RARA: variants seen among roughly 807,000 people sequenced by gnomAD.
RARA encodes the protein retinoic acid receptor alpha, also known as PML-DDX5-RARA fusion.
Under a neutral mutation model 42.8 loss-of-function variants are expected in RARA, and 5 were observed. The observed-to-expected ratio is 0.12, with a 90% CI of 0.06 to 0.25. The LOEUF (loss-of-function observed/expected upper bound fraction) is 0.25. RARA is among the 10% of genes least tolerant of loss of function. The pLI, the probability that RARA is intolerant of heterozygous loss-of-function variation, is 1.00. For synonymous variants in RARA, 256 were observed against 259.5 expected (o/e 0.99, Z 0.13); for missense variants, 402 against 628.7 (o/e 0.64, Z 3.86).
intron 2 of RARA, chr17:40,341,075 T>C (rs1436875263): frequency 2.5e-6 from 1 of 401,060 alleles, no homozygotes; most frequent in Non-Finnish European, 4.4e-6. Context: ...GTGGGGGTAA[T>C]AGGATACCCC....
chr17:40,309,439 C>T (rs191680946), intron 1 of RARA, among the ~76,000 whole-genome samples, 153 bp downstream of exon 1: 42 of 152,336 alleles, frequency 2.8e-4, no homozygotes, highest in African/African-American at 1.0e-3. Flanking sequence ...AGCCTGGGAA[C>T]AGTGGGGTGT....
Position 40,352,233 on chromosome 17 carries a change from A to C in RARA, c.631-98A>C, listed in dbSNP as rs911714631. 3.3e-6 allele frequency: 5 copies of C among 1,504,470 alleles called. No individual in the cohort carries two copies. Among genetic ancestry groups the C allele is most frequent in the Admixed American group, 4.6e-5 (2 of 43,744 alleles). 93.2% of individuals were successfully genotyped at this position (1,504,470 alleles called of 1,614,324 possible). ...TGCCTCTTCCCAAGGAGCTCCCAGG[A>C]AGTGAAGGCTGGGTAGAGGGCAGGC... On this transcript the variant is annotated intron_variant, in intron 5 of 8. Coordinates refer to ENST00000254066, the MANE Select transcript of RARA (RefSeq NM_000964.4). This position sits in a 1 kb window ranked among gnomAD's most constrained non-coding sequence, Gnocchi z 4.9.
intron 1 of RARA, among the ~76,000 whole-genome samples, chr17:40,324,226 G>T (rs2033473888): frequency 6.6e-6 from 1 of 152,150 alleles, no homozygotes; most frequent in South Asian, 2.1e-4. Flanking sequence ...CAACAGAGCT[G>T]CCTGCGTATG....
intron 2 of RARA, chr17:40,341,849 C>G (rs1380063020): frequency 9.5e-7 from 1 of 1,049,368 alleles, no homozygotes; most frequent in Non-Finnish European, 1.2e-6. Context: ...GGGAGGACGC[C>G]CGCCCCTCTT....
Position 40,356,848 on chromosome 17 carries a change from T to C in RARA, c.*622T>C, listed in dbSNP as rs1234557946. On this transcript the variant is annotated 3_prime_UTR_variant, in exon 9 of 9. Transcript: ENST00000254066. ...TATTGGGGGGAGCTGGATCCAGAGC[T>C]GGAGGGGGTGGGTCCGGGGGAGGGA... is the stretch of plus-strand genomic sequence containing the variant. 1.8e-5 allele frequency: 2 copies of C among 110,644 alleles called. No homozygotes were observed. The highest frequency in any genetic ancestry group is 3.5e-3 in the Middle Eastern group (1 of 288). 6.9% of individuals were successfully genotyped at this position (110,644 alleles called of 1,614,324 possible). A position where few individuals can be genotyped will look rare whatever the true frequency, so the allele number is the denominator to read the frequency against.
At chr17:40,348,609 A>C (rs1042746821) in intron 3 of RARA, 145 bp downstream of exon 3, 14 of 1,079,556 alleles carry the variant, frequency 1.3e-5, no homozygotes. Context: ...AAGCAGGGAC[A>C]CCTACCACAG....
chr17:40,354,591 C>G lies in RARA; in HGVS notation c.1012+85C>G. On this transcript the variant is annotated intron_variant, in intron 7 of 8. Coordinates refer to ENST00000254066, the MANE Select transcript of RARA (RefSeq NM_000964.4). This position sits in a 1 kb window ranked among gnomAD's most constrained non-coding sequence, Gnocchi z 4.5. The stretch of plus-strand genomic sequence containing the variant: ...CTTCCAGGGAGCTCTTTCAGGCCAC[C>G]TCTGTTAGGTATCTCTAGAGGGCAG... The G allele has an allele frequency of 6.8e-7, 1 of 1,466,048 alleles. No homozygotes were observed. The highest frequency in any genetic ancestry group is 9.3e-7 in the Non-Finnish European group (1 of 1,077,512). The allele number at this position is 1,466,048 out of a possible 1,614,324, so 90.8% of individuals were successfully genotyped here.
Position 40,355,149 on chromosome 17 carries a change from G to A in RARA, c.1013-114G>A. 3 of 1,318,238 alleles carry A rather than the reference G, an allele frequency of 2.3e-6. 1 individual carries two copies. Among genetic ancestry groups the A allele is most frequent in the South Asian group, 3.0e-5 (2 of 67,298 alleles). The allele number at this position is 1,318,238 out of a possible 1,614,324, so 81.7% of individuals were successfully genotyped here. Reference sequence around the variant, plus strand: ...GACCCCATGCCCTGCCCTGTGTGGGGAGGCGCCTGCGAGCTGCCCTCCTCC... The same window carrying A: ...GACCCCATGCCCTGCCCTGTGTGGGAAGGCGCCTGCGAGCTGCCCTCCTCC... On this transcript the variant is annotated intron_variant, in intron 7 of 8. Coordinates refer to ENST00000254066, the MANE Select transcript of RARA (RefSeq NM_000964.4). The surrounding 1 kb of genome is among the most constrained non-coding windows in gnomAD (Gnocchi z 4.1).
intron 1 of RARA, among the ~76,000 whole-genome samples, chr17:40,312,490 C>A (rs890374273): frequency 6.6e-6 from 1 of 152,208 alleles, no homozygotes; most frequent in Non-Finnish European, 1.5e-5. Flanking sequence ...GCTGCAGGGA[C>A]TATTTTTAGT....
At chr17:40,316,861 C>T (rs2033225201) in intron 1 of RARA, among the ~76,000 whole-genome samples, 1 of 151,910 alleles carries the variant, frequency 6.6e-6, no homozygotes, top group Admixed American at 6.5e-5. Context: ...GAAATCCAGA[C>T]GGGAGCGGGA....
chr17:40,344,316 C>T (rs2034178101), intron 2 of RARA, among the ~76,000 whole-genome samples: 1 of 152,092 alleles, frequency 6.6e-6, no homozygotes, highest in African/African-American at 2.4e-5. Context: ...AAGGTATCAC[C>T]CTTGACTTTG....
chr17:40,355,977 C>A lies in RARA; in HGVS notation c.1172-32C>A. ...GCTGGGGGTGGGAGGGCTGGCCCAG[C>A]GTGCTGACCTCTGCCCCCTCCTTTC... On this transcript the variant is annotated intron_variant, in intron 8 of 8. Transcript: ENST00000254066. The surrounding 1 kb of genome is among the most constrained non-coding windows in gnomAD (Gnocchi z 4.1). 1 of 1,556,616 alleles carries A rather than the reference C, an allele frequency of 6.4e-7. No individual in the cohort carries two copies. The highest frequency in any genetic ancestry group is 8.7e-7 in the Non-Finnish European group (1 of 1,150,484).
chr17:40,342,343 C>T (rs1567757182), intron 2 of RARA: 1 of 1,078,844 alleles, frequency 9.3e-7, no homozygotes, highest in South Asian at 4.2e-5. Flanking sequence ...TGATCCCGCC[C>T]CCGGCCTGCG....
Position 40,326,174 on chromosome 17 carries a change from A to C in RARA, c.-362-4683A>C, listed in dbSNP as rs2033540410. 6.6e-6 allele frequency among the ~76,000 whole-genome samples: 1 copy of C among 152,176 alleles called. No individual in the cohort carries two copies. Among genetic ancestry groups the C allele is most frequent in the Non-Finnish European group, 1.5e-5 (1 of 68,020 alleles). On this transcript the variant is annotated intron_variant, in intron 1 of 8. Transcript: ENST00000254066. The surrounding 1 kb of genome is among the most constrained non-coding windows in gnomAD (Gnocchi z 5.2). Reference sequence around the variant, plus strand: ...TGCCCTGGGTGGGGTGAGGCAAGGGAAAGCAGGCCGACTGCTGAGGGGCAC... The same window carrying C: ...TGCCCTGGGTGGGGTGAGGCAAGGGCAAGCAGGCCGACTGCTGAGGGGCAC...
rs1031767510 is a variant in RARA at position 40,331,022 on chromosome 17, C to G, written c.-197C>G. The G allele has an allele frequency of 1.1e-5, 6 of 571,324 alleles. No individual in the cohort carries two copies. In the African/African-American group the frequency reaches 1.2e-4, roughly 11 times the overall value. 35.4% of individuals were successfully genotyped at this position (571,324 alleles called of 1,614,324 possible). ...TTGAGACATCCCCCAACCCACCTGG[C>G]CCCCAGCTAGGGTGGGGGCTCCAGG... On this transcript the variant is annotated 5_prime_UTR_variant, in exon 2 of 9. Coordinates refer to ENST00000254066, the MANE Select transcript of RARA (RefSeq NM_000964.4).
At chr17:40,311,543 AATGTTTCACTTTGCCTC>A (rs1567741347) in intron 1 of RARA, among the ~76,000 whole-genome samples, 1 of 152,032 alleles carries the variant, frequency 6.6e-6, no homozygotes, top group Non-Finnish European at 1.5e-5. Context: ...CTTGTTCAGA[AATGTTTCACTTTGCCTC>A]ATCTAGCCCC....
chr17:40,324,817 G>C (rs2033491350), intron 1 of RARA, among the ~76,000 whole-genome samples: 1 of 152,166 alleles, frequency 6.6e-6, no homozygotes, highest in African/African-American at 2.4e-5. Flanking sequence ...GCACTGACTA[G>C]GGCAGATTTT....
intron 2 of RARA, among the ~76,000 whole-genome samples, chr17:40,344,497 C>T (rs1225911826): frequency 6.6e-6 from 1 of 152,180 alleles, no homozygotes; most frequent in Admixed American, 6.5e-5. Flanking sequence ...GGATCTGAGA[C>T]CTTGGTCTCC....
chr17:40,337,647 G>A (rs1598559484), intron 2 of RARA, among the ~76,000 whole-genome samples: 1 of 152,366 alleles, frequency 6.6e-6, no homozygotes, highest in East Asian at 1.9e-4. Flanking sequence ...GTGGATGGAG[G>A]CAAAGAAGTT....
Sources: allele counts gnomAD v4.1 joint callset (sites outside exome capture counted in the v4.1 genomes callset), GRCh38; gene constraint gnomAD v4.1.1; non-coding constraint Gnocchi (gnomAD v3.1); transcripts MANE v1.5; gene names NCBI Gene and HGNC (gene_info 2026-07-23, HGNC 2026-07-21).